JMJD1C: variants seen among roughly 807,000 people sequenced by gnomAD.
JMJD1C encodes jumonji domain containing 1C, also known as jumonji domain-containing protein 1C.
JMJD1C carries 31 observed loss-of-function variants against 245.3 expected under a neutral mutation model. That is an observed-to-expected ratio of 0.13 (90% CI 0.09 to 0.17). JMJD1C has a LOEUF of 0.17. Among genes scored for constraint, JMJD1C ranks in the 10% least tolerant of loss-of-function variants. JMJD1C has a pLI of 1.00. For synonymous variants in JMJD1C, 1,057 were observed against 1,017.4 expected, an observed-to-expected ratio of 1.04 and a Z score of -0.74; for missense variants, 2,691 against 3,000.2, an observed-to-expected ratio of 0.90 and a Z score of 2.41.
chr10:63,265,539 A>T (rs1328705081), intron 2 of JMJD1C, among the ~76,000 whole-genome samples: 6 of 152,198 alleles, frequency 3.9e-5, no homozygotes, highest in Non-Finnish European at 7.3e-5. Flanking sequence ...CAGGGATACA[A>T]TGTATAAATT....
chr10:63,377,930 A>G (rs1039536126), intron 2 of JMJD1C, among the ~76,000 whole-genome samples: 1 of 150,754 alleles, frequency 6.6e-6, no homozygotes, highest in Middle Eastern at 3.5e-3. Context: ...GCAAAAAAAA[A>G]AAAGGAACCA....
chr10:63,267,855 AG>A (rs1855791155), intron 2 of JMJD1C, among the ~76,000 whole-genome samples: 1 of 152,182 alleles, frequency 6.6e-6, no homozygotes, highest in Non-Finnish European at 1.5e-5. Context: ...ACCAAACTAT[AG>A]GAAGAATGCT....
Position 63,207,537 on chromosome 10 carries a change from C to T in JMJD1C, c.4132G>A (p.Gly1378Ser). Reference sequence around the variant, plus strand: ...GACATGACTGAACTGGGAACACTGCCCTGTGAGACAGCCTGAAAGTTTTTT... The same window carrying T: ...GACATGACTGAACTGGGAACACTGCTCTGTGAGACAGCCTGAAAGTTTTTT... ...SEKNFQAVSQGSVPSSVMSAV... is the reference protein window; with the variant it reads ...SEKNFQAVSQSSVPSSVMSAV... Residue 1378 changes from glycine to serine, a missense_variant, in exon 10 of 26, where the codon GGC becomes AGC. Physicochemically the swap from Gly to Ser is moderately conservative, Grantham distance 56. This residue lies in a region of JMJD1C where 1,562 missense variants were observed against 1,490.7 expected (regional missense o/e 1.05). Coordinates refer to ENST00000399262, the MANE Select transcript of JMJD1C (RefSeq NM_032776.3). 6.2e-7 allele frequency: 1 copy of T among 1,614,124 alleles called. No individual in the cohort carries two copies. The highest frequency in any genetic ancestry group is 8.5e-7 in the Non-Finnish European group (1 of 1,180,010).
rs1271912988 is a variant in JMJD1C at position 63,214,315 on chromosome 10, G to A, written c.1852C>T (p.Pro618Ser). The A allele has an allele frequency of 6.2e-7, 1 of 1,613,928 alleles. No homozygotes were observed. Among genetic ancestry groups the A allele is most frequent in the Non-Finnish European group, 8.5e-7 (1 of 1,179,844 alleles). The change falls in exon 8 of 26, where the codon CCA (proline) becomes TCA (serine). Residue 618 changes from proline to serine, a missense_variant. Pro to Ser is a moderately conservative substitution (Grantham distance 74). Around this residue, in one of 9 missense-constraint regions of JMJD1C, gnomAD observed 1,562 missense variants for 1,490.7 expected, o/e 1.05. Coordinates refer to ENST00000399262, the MANE Select transcript of JMJD1C (RefSeq NM_032776.3). ...VMEDKLHKRS[P>S]PPETIKSKLN... is the part of the protein sequence containing the mutation. Reference sequence around the variant, plus strand: ...TTAGATTTTATAGTCTCTGGAGGTGGACTTCGCTTATGCAGCTTATCTTCC... The same window carrying A: ...TTAGATTTTATAGTCTCTGGAGGTGAACTTCGCTTATGCAGCTTATCTTCC...
intron 1 of JMJD1C, among the ~76,000 whole-genome samples, chr10:63,460,403 C>T (rs1399637783): frequency 6.6e-6 from 1 of 151,966 alleles, no homozygotes; most frequent in East Asian, 1.9e-4. Flanking sequence ...GCCTGTAGTC[C>T]CAGCTATTCA....
chr10:63,185,500 A>G (rs1844026891), intron 20 of JMJD1C, 63 bp downstream of exon 20: 4 of 899,706 alleles, frequency 4.4e-6, no homozygotes, highest in Non-Finnish European at 7.4e-6. Context: ...TACTTATCCT[A>G]TCTCTGGGGA....
chr10:63,281,310 T>G (rs10995490), intron 2 of JMJD1C, among the ~76,000 whole-genome samples: 168 of 11,962 alleles, frequency 0.014, no homozygotes, highest in South Asian at 0.028. Flanking sequence ...AATTTTTCTG[T>G]TTTTTTTTTT....
intron 3 of JMJD1C, among the ~76,000 whole-genome samples, chr10:63,262,829 C>G (rs1322634810): frequency 2.0e-5 from 3 of 152,078 alleles, no homozygotes; most frequent in African/African-American, 7.2e-5. Context: ...GGTACCCCCC[C>G]CACTCTCCCC....
chr10:63,199,940 T>C (rs967178085), intron 11 of JMJD1C, among the ~76,000 whole-genome samples: 1 of 152,148 alleles, frequency 6.6e-6, no homozygotes, highest in African/African-American at 2.4e-5. Flanking sequence ...CTCTCTTAGG[T>C]AGGTACTAAC....
intron 1 of JMJD1C, among the ~76,000 whole-genome samples, chr10:63,414,049 C>A (rs531422843): frequency 1.4e-5 from 2 of 145,432 alleles, no homozygotes; most frequent in African/African-American, 5.2e-5. Context: ...TGCAGTGGTG[C>A]GATCTTGGCT....
intron 22 of JMJD1C, among the ~76,000 whole-genome samples, chr10:63,180,601 T>TTTTG (rs894613104): frequency 6.6e-5 from 10 of 152,222 alleles, no homozygotes; most frequent in South Asian, 4.1e-4. Flanking sequence ...TCTGGTATCT[T>TTTTG]TTTGTTTGTT....
At chr10:63,258,679 T>C (rs1029022000) in intron 3 of JMJD1C, among the ~76,000 whole-genome samples, 1 of 152,208 alleles carries the variant, frequency 6.6e-6, no homozygotes, top group African/African-American at 2.4e-5. Context: ...TTTCAGTCTT[T>C]ATTGACTTCT....
chr10:63,458,731 A>ATTTATT lies in JMJD1C; in HGVS notation c.168+6763_168+6764insAATAAA, dbSNP rs1554944508. Among the ~76,000 whole-genome samples, 146 of 145,450 alleles carry ATTTATT rather than the reference A, an allele frequency of 1.0e-3. 2 individuals carry two copies. The South Asian group carries it at 0.016, about 16-fold the overall frequency. On this transcript the variant is annotated intron_variant, in intron 1 of 25. Coordinates refer to ENST00000399262, the MANE Select transcript of JMJD1C (RefSeq NM_032776.3). ...AATATAGCTTTTTTTTTATTTATTT[A>ATTTATT]TTTTTTTTTTGAGGAACAGTCTCAC... is the stretch of plus-strand genomic sequence containing the variant.
chr10:63,330,173 A>G (rs1195758247), intron 2 of JMJD1C, among the ~76,000 whole-genome samples: 2 of 152,232 alleles, frequency 1.3e-5, no homozygotes, highest in African/African-American at 4.8e-5. Flanking sequence ...AAGTGCTGGG[A>G]CTACAGGCGT....
intron 13 of JMJD1C, 34 bp downstream of exon 13, chr10:63,197,377 A>G (rs1369385226): frequency 6.4e-7 from 1 of 1,565,834 alleles, no homozygotes; most frequent in South Asian, 1.2e-5. Context: ...AAAAATTATA[A>G]AAAACTTCAA....
intron 1 of JMJD1C, among the ~76,000 whole-genome samples, chr10:63,520,614 AC>A (rs1174519086): frequency 6.6e-6 from 1 of 152,150 alleles, no homozygotes; most frequent in African/African-American, 2.4e-5. Flanking sequence ...TGTAAATCTT[AC>A]AGCTGTAATA....
At chr10:63,497,042 C>G (rs1475588111) in intron 1 of JMJD1C, among the ~76,000 whole-genome samples, 1 of 152,078 alleles carries the variant, frequency 6.6e-6, no homozygotes, top group Non-Finnish European at 1.5e-5. Context: ...CATGTTAGTG[C>G]AGCATAACCT....
At chr10:63,419,722 G>T (rs901744757) in intron 1 of JMJD1C, among the ~76,000 whole-genome samples, 1 of 150,060 alleles carries the variant, frequency 6.7e-6, no homozygotes, top group East Asian at 2.0e-4. Context: ...GTCCAGCTTT[G>T]AGTAATCAAG....
chr10:63,196,595 C>T (rs1220100274), intron 13 of JMJD1C, among the ~76,000 whole-genome samples: 3 of 152,172 alleles, frequency 2.0e-5, no homozygotes, highest in Non-Finnish European at 4.4e-5. Context: ...TGATACACTA[C>T]TCTGAAAAAA....
Sources: gnomAD v4.1 joint callset for allele counts (sites outside exome capture counted in the v4.1 genomes callset) on GRCh38, gnomAD v4.1.1 for gene constraint, gnomAD v4.1.1 regional missense constraint, MANE v1.5 for transcripts, NCBI Gene and HGNC (gene_info 2026-07-23, HGNC 2026-07-21) for gene names.